CPNE7: variants seen among roughly 807,000 people sequenced by gnomAD.
CPNE7 encodes the protein copine 7.
Under a neutral mutation model 66.5 loss-of-function variants are expected in CPNE7, and 78 were observed. The observed-to-expected ratio is 1.17, with a 90% CI of 0.98 to 1.42. The LOEUF (loss-of-function observed/expected upper bound fraction) is 1.42. CPNE7 is among the 40% of genes most tolerant of loss of function. CPNE7 has a pLI of 0.00. For synonymous variants in CPNE7, 468 were observed against 336.7 expected (o/e 1.39, Z -4.27); for missense variants, 1,012 against 776.6 (o/e 1.30, Z -3.60).
intron 14 of CPNE7, 147 bp downstream of exon 14, chr16:89,595,750 CAA>C: frequency 2.5e-6 from 2 of 785,364 alleles, no homozygotes; most frequent in Non-Finnish European, 4.5e-6. Context: ...TCCCCCCAGT[CAA>C]GAGCAGTATC....
intron 13 of CPNE7, among the ~76,000 whole-genome samples, chr16:89,594,714 C>T (rs1389532600): frequency 2.9e-5 from 4 of 138,592 alleles, no homozygotes; most frequent in East Asian, 4.6e-4. Flanking sequence ...TGCAATGGCG[C>T]GATCTCAGCT....
Position 89,589,940 on chromosome 16 carries a change from C to G in CPNE7, c.1105C>G (p.Pro369Ala), listed in dbSNP as rs1412041235. Residue 369 changes from proline to alanine, a missense_variant, in exon 11 of 15, where the codon CCC becomes GCC. Physicochemically the swap from Pro to Ala is conservative, Grantham distance 27 (BLOSUM62 -1). Transcript: ENST00000319518. ...SALGFGARIP[P>A]KYEVSHDFAI... is the part of the protein sequence containing the mutation. ...TTTGGGGTTTGGAGCCCGGATCCCTCCCAAGTATGAGGTAGGAGAGCCCAG... is the reference window on the plus strand; with the variant it reads ...TTTGGGGTTTGGAGCCCGGATCCCTGCCAAGTATGAGGTAGGAGAGCCCAG... 2 of 1,613,672 alleles carry G rather than the reference C, an allele frequency of 1.2e-6. No homozygotes were observed.
intron 1 of CPNE7, among the ~76,000 whole-genome samples, chr16:89,576,820 G>A (rs866977887): frequency 6.2e-4 from 95 of 152,278 alleles, no homozygotes; most frequent in African/African-American, 2.2e-3. Context: ...GCGGTCACCC[G>A]GTGGCGTCTC....
In CPNE7 at chr16:89,577,691, C is replaced by A; in HGVS notation, c.327C>A (p.Phe109Leu). 2 of 1,600,670 alleles carry A rather than the reference C, an allele frequency of 1.2e-6. No individual in the cohort carries two copies. Among genetic ancestry groups the A allele is most frequent in the Admixed American group, 1.7e-5 (1 of 58,042 alleles). The change falls in exon 2 of 15, where the codon TTC becomes TTA. Residue 109 changes from phenylalanine to leucine, a missense_variant. Transcript: ENST00000319518. ...GCTTCAGCTGTCAGGAGGACGATTT[C>A]CTGGGGGGCATGGAGTGCACCCTGG... is the stretch of plus-strand genomic sequence containing the variant. Reference protein sequence around the residue: ...PSGFSCQEDDFLGGMECTLGQ... With the variant: ...PSGFSCQEDDLLGGMECTLGQ...
rs536529003 is a variant in CPNE7 at position 89,577,656 on chromosome 16, G to T, written c.292G>T (p.Gly98Trp). The T allele has an allele frequency of 1.3e-6, 2 of 1,596,310 alleles. No homozygotes were observed. Among genetic ancestry groups the T allele is most frequent in the Admixed American group, 3.5e-5 (2 of 57,260 alleles). The change falls in exon 2 of 15, where the codon GGG (glycine) becomes TGG (tryptophan). Residue 98 changes from glycine (G) to tryptophan (W), a missense_variant. Transcript: ENST00000319518. ...RLRFEVYDTH[G>W]PSGFSCQEDD... ...GCGCTTTGAGGTGTACGACACGCATGGGCCCAGCGGCTTCAGCTGTCAGGA... is the reference window on the plus strand; with the variant it reads ...GCGCTTTGAGGTGTACGACACGCATTGGCCCAGCGGCTTCAGCTGTCAGGA...
Position 89,584,448 on chromosome 16 carries a change from G to A in CPNE7, c.508-326G>A, listed in dbSNP as rs906733342. ...GCGGTTCTGCGGGCTCGTCACGTGGGTGGGCAGAACAGGGTCCAACCCCGC... is the reference window on the plus strand; with the variant it reads ...GCGGTTCTGCGGGCTCGTCACGTGGATGGGCAGAACAGGGTCCAACCCCGC... On this transcript the variant is annotated intron_variant, in intron 4 of 14. Transcript: ENST00000319518. This position sits in a 1 kb window ranked among gnomAD's most constrained non-coding sequence, Gnocchi z 6.0. Among the ~76,000 whole-genome samples, 1 of 152,214 alleles carries A rather than the reference G, an allele frequency of 6.6e-6. No homozygotes were observed. The highest frequency in any genetic ancestry group is 6.5e-5 in the Admixed American group (1 of 15,284).
intron 6 of CPNE7, 40 bp from the exon 7 acceptor site, chr16:89,585,647 G>T (rs768936183): frequency 1.9e-6 from 3 of 1,553,782 alleles, no homozygotes; most frequent in East Asian, 4.8e-5. Context: ...GGGTCCTGGG[G>T]CCCCCAGACA....
chr16:89,589,374 C>T (rs149942799), intron 10 of CPNE7, among the ~76,000 whole-genome samples: 2 of 152,334 alleles, frequency 1.3e-5, no homozygotes, highest in Admixed American at 6.5e-5. Flanking sequence ...CCTGGGGGGA[C>T]GTCTGTGTCC....
chr16:89,589,072 A>T (rs1432873963), intron 10 of CPNE7, among the ~76,000 whole-genome samples: 2 of 152,102 alleles, frequency 1.3e-5, no homozygotes, highest in Non-Finnish European at 1.5e-5. Context: ...CGGGTGGATC[A>T]CCTGAGGTCA....
Position 89,584,853 on chromosome 16 carries a change from C to G in CPNE7, c.587C>G (p.Thr196Arg). ...CAGGGCTTGCAGCTGGTGTACAGGA[C>G]GGAGGTGAGCGGCCGGGGATGGGAA... ...DDQGLQLVYR[T>R]EVVKNNLNPV... The change falls in exon 5 of 15, where the codon ACG (threonine) becomes AGG (arginine). Residue 196 changes from threonine to arginine, a missense_variant. Transcript: ENST00000319518. The surrounding 1 kb of genome is among the most constrained non-coding windows in gnomAD (Gnocchi z 6.0). The G allele has an allele frequency of 6.2e-7, 1 of 1,613,048 alleles. No homozygotes were observed.
intron 2 of CPNE7, among the ~76,000 whole-genome samples, chr16:89,581,848 G>A (rs954101346): frequency 2.0e-5 from 3 of 152,150 alleles, no homozygotes; most frequent in African/African-American, 7.2e-5. Context: ...GTCTCACCAT[G>A]TTGCCCCAAC....
intron 14 of CPNE7, 106 bp from the exon 15 acceptor site, chr16:89,596,378 C>T (rs2059255543): frequency 6.9e-7 from 1 of 1,450,830 alleles, no homozygotes; most frequent in Admixed American, 2.3e-5. Context: ...GGTGGGTAGT[C>T]ACCACTCGGC....
At position 89,596,779 on chromosome 16, in the gene CPNE7, G is replaced by C. The variant is rs867623718; in HGVS notation, c.*158G>C. The C allele has an allele frequency of 3.0e-5, 31 of 1,042,744 alleles. No individual in the cohort carries two copies. The South Asian group carries it at 6.1e-4, about 21-fold the overall frequency. The allele number at this position is 1,042,744 out of a possible 1,614,324, so 64.6% of individuals were successfully genotyped here. ...TCCTCCTGGGATCCTGCTGGCTTGG[G>C]CCCGGCTCTGGGGCCCCCAAGGCCG... On this transcript the variant is annotated 3_prime_UTR_variant, in exon 15 of 15. Transcript: ENST00000319518.
At chr16:89,587,012 G>T (rs370294136) in intron 8 of CPNE7, 31 bp from the exon 9 acceptor site, 4 of 1,565,454 alleles carry the variant, frequency 2.6e-6, no homozygotes, top group African/African-American at 2.7e-5. Context: ...TGTCCCTGGC[G>T]GGGGTGGACG....
chr16:89,590,361 C>T (rs978881506), intron 11 of CPNE7, among the ~76,000 whole-genome samples: 1 of 151,994 alleles, frequency 6.6e-6, no homozygotes, highest in African/African-American at 2.4e-5. Flanking sequence ...CCCATCTCTA[C>T]CAAAAATACA....
intron 7 of CPNE7, 42 bp downstream of exon 7, chr16:89,585,827 TG>T: frequency 2.5e-5 from 1 of 40,122 alleles, no homozygotes; most frequent in South Asian, 2.6e-4. Context: ...GAGGGTCAGG[TG>T]GGGGTGGAGG....
intron 13 of CPNE7, among the ~76,000 whole-genome samples, chr16:89,591,585 G>A (rs1437596312): frequency 6.6e-6 from 1 of 152,218 alleles, no homozygotes; most frequent in African/African-American, 2.4e-5. Context: ...TTGTTTACAT[G>A]TGTCTTTCCT....
At position 89,579,163 on chromosome 16, in the gene CPNE7, G is replaced by A. The variant is rs140284015; in HGVS notation, c.357+1442G>A. 2.0e-3 allele frequency among the ~76,000 whole-genome samples: 297 copies of A among 151,962 alleles called. 3 individuals are homozygous for A. The highest frequency in any genetic ancestry group is 6.8e-3 in the African/African-American group (280 of 41,442). ...AGAAATTAGCCAGGCGTGGTGGTGC[G>A]TGCCTGTAGTCCCAGCTACTGGGGA... On this transcript the variant is annotated intron_variant, in intron 2 of 14. Transcript: ENST00000319518.
chr16:89,591,270 C>T lies in CPNE7; in HGVS notation c.1302+10C>T, dbSNP rs762989714. On this transcript the variant is annotated intron_variant, in intron 13 of 14. Coordinates refer to ENST00000319518, the MANE Select transcript of CPNE7 (RefSeq NM_153636.3). Reference sequence around the variant, plus strand: ...CACCGGGAAAGCCTCTGTAGGTGCCCGGGGGGTGTGGTGCATGCTTGGTGT... The same window carrying T: ...CACCGGGAAAGCCTCTGTAGGTGCCTGGGGGGTGTGGTGCATGCTTGGTGT... 20 of 1,562,106 alleles carry T rather than the reference C, an allele frequency of 1.3e-5. No individual in the cohort carries two copies. The highest frequency in any genetic ancestry group is 2.3e-5 in the East Asian group (1 of 43,414).
Sources: gnomAD v4.1 joint callset for allele counts (sites outside exome capture counted in the v4.1 genomes callset) on GRCh38, gnomAD v4.1.1 for gene constraint, Gnocchi (gnomAD v3.1) non-coding constraint, MANE v1.5 for transcripts, NCBI Gene and HGNC (gene_info 2026-07-23, HGNC 2026-07-21) for gene names.